Variants in NEK4 observed in about 807,000 individuals in gnomAD.
NEK4 encodes NIMA related kinase 4.
A neutral mutation model predicts 98.4 loss-of-function variants in NEK4; 86 were observed. The ratio of observed to expected loss-of-function variants is 0.87; its 90% confidence interval spans 0.73 to 1.05. The LOEUF (loss-of-function observed/expected upper bound fraction) is 1.05. NEK4 is among the 50% of genes least tolerant of loss of function. NEK4 has a pLI of 0.00. For missense variants in NEK4, 898 were observed against 950.3 expected (o/e 0.94, Z 0.72); for synonymous variants, 328 against 342.2 (o/e 0.96, Z 0.46).
intron 11 of NEK4, 130 bp downstream of exon 11, chr3:52,744,109 T>C: frequency 6.9e-6 from 5 of 724,226 alleles, no homozygotes; most frequent in Non-Finnish European, 1.2e-5. Context: ...TCAAAATCTT[T>C]TCCAACTCGA....
chr3:52,734,589 C>T (rs1037116408), intron 15 of NEK4: 7 of 151,726 alleles, frequency 4.6e-5, no homozygotes, highest in African/African-American at 1.5e-4. Context: ...AGAAGAATCG[C>T]TTGAACCTGG....
intron 6 of NEK4, chr3:52,754,405 C>T (rs1206168240): frequency 6.1e-6 from 3 of 493,022 alleles, no homozygotes; most frequent in Admixed American, 4.9e-5. Flanking sequence ...GCCCCCTAAA[C>T]CCAGAGGCTG....
rs1036441284 is a variant in NEK4 at position 52,709,038 on chromosome 3, T to A, written c.*2739A>T. ...CCATCTCTACTAAAAATAACGAAAA[T>A]CAGCCAGGCATGGTGGTGTGTGCCT... is the stretch of plus-strand genomic sequence containing the variant. On this transcript the variant is annotated 3_prime_UTR_variant, in exon 16 of 16. Transcript: ENST00000233027. 5 of 151,770 alleles carry A rather than the reference T, an allele frequency of 3.3e-5. No homozygotes were observed. Among genetic ancestry groups the A allele is most frequent in the African/African-American group, 1.2e-4 (5 of 41,236 alleles). The allele number at this position is 151,770 out of a possible 1,614,324, so 9.4% of individuals were successfully genotyped here. A position where few individuals can be genotyped will look rare whatever the true frequency, so the allele number is the denominator to read the frequency against.
At chr3:52,730,528 G>A (rs934424481) in intron 15 of NEK4, among the ~76,000 whole-genome samples, 3 of 152,192 alleles carry the variant, frequency 2.0e-5, no homozygotes, top group South Asian at 2.1e-4. Context: ...ACATTCATTC[G>A]AAAATCTTTA....
intron 13 of NEK4, among the ~76,000 whole-genome samples, chr3:52,740,442 G>A (rs2097383827): frequency 6.6e-6 from 1 of 152,068 alleles, no homozygotes; most frequent in Admixed American, 6.5e-5. Context: ...AGACACTGCA[G>A]AAGAAAAGAT....
At chr3:52,742,663 A>C (rs1046756058) in intron 12 of NEK4, among the ~76,000 whole-genome samples, 1 of 152,152 alleles carries the variant, frequency 6.6e-6, no homozygotes, top group Non-Finnish European at 1.5e-5. Flanking sequence ...CAAATAAGAA[A>C]CTGAGGAATG....
chr3:52,767,866 A>G (rs1039360339), intron 2 of NEK4, among the ~76,000 whole-genome samples: 3 of 152,232 alleles, frequency 2.0e-5, no homozygotes, highest in African/African-American at 7.2e-5. Flanking sequence ...TTGTAGGAAC[A>G]CTTATTCCAT....
chr3:52,770,708 G>T lies in NEK4; in HGVS notation c.39C>A (p.Gly13=). 2 of 1,578,132 alleles carry T rather than the reference G, an allele frequency of 1.3e-6. No homozygotes were observed. Among genetic ancestry groups the T allele is most frequent in the East Asian group, 2.3e-5 (1 of 42,982 alleles). Residue 13 remains glycine (G), a synonymous_variant, in exon 1 of 16, where the codon GGC becomes GGA. Coordinates refer to ENST00000233027, the MANE Select transcript of NEK4 (RefSeq NM_003157.6). ...LAAYCYLRVV[G]KGSYGEVTLV... is the part of the protein sequence containing the mutation. ...GCGTCACCTCTCCATAGCTCCCCTT[G>T]CCCACGACCCGCAGGTAGCAGTAGG...
At chr3:52,762,178 G>A (rs1324109699) in intron 5 of NEK4, among the ~76,000 whole-genome samples, 1 of 152,218 alleles carries the variant, frequency 6.6e-6, no homozygotes, top group Non-Finnish European at 1.5e-5. Flanking sequence ...CACCTGTTTA[G>A]TAAAGGTAGG....
chr3:52,733,544 G>T, intron 15 of NEK4: 1 of 501,572 alleles, frequency 2.0e-6, no homozygotes, highest in Non-Finnish European at 4.0e-6. Context: ...AATGAATGTG[G>T]CAAGGTCTTT....
At chr3:52,739,770 T>G (rs2097382728) in intron 13 of NEK4, 136 bp from the exon 14 acceptor site, 7 of 681,600 alleles carry the variant, frequency 1.0e-5, no homozygotes, top group Non-Finnish European at 1.8e-5. Flanking sequence ...GACCTGACCC[T>G]TCCACAAATA....
intron 8 of NEK4, chr3:52,747,199 G>T: frequency 4.3e-6 from 1 of 233,362 alleles, no homozygotes; most frequent in Non-Finnish European, 8.4e-6. Flanking sequence ...GCTTGTGCCT[G>T]TAATCCCAGC....
intron 15 of NEK4, among the ~76,000 whole-genome samples, chr3:52,724,748 A>G (rs755095594): frequency 1.3e-5 from 2 of 152,208 alleles, no homozygotes; most frequent in African/African-American, 2.4e-5. Flanking sequence ...GATACATTGC[A>G]CAACATGGTG....
intron 10 of NEK4, among the ~76,000 whole-genome samples, chr3:52,745,407 C>T (rs2097394272): frequency 6.6e-6 from 1 of 151,912 alleles, no homozygotes; most frequent in Admixed American, 6.6e-5. Flanking sequence ...TGGTGTAACC[C>T]TATCTCTACT....
At chr3:52,729,838 T>G (rs2097367942) in intron 15 of NEK4, among the ~76,000 whole-genome samples, 1 of 151,090 alleles carries the variant, frequency 6.6e-6, no homozygotes, top group Non-Finnish European at 1.5e-5. Flanking sequence ...TGGGTGGGCA[T>G]GGTGGCTCAT....
At chr3:52,738,397 C>A (rs1578650775) in intron 14 of NEK4, among the ~76,000 whole-genome samples, 1 of 147,936 alleles carries the variant, frequency 6.8e-6, no homozygotes, top group Admixed American at 6.6e-5. Flanking sequence ...TGATACCACA[C>A]CAAGCCTTTT....
Position 52,739,431 on chromosome 3 carries a change from G to C in NEK4, c.2297C>G (p.Ser766Ter). Reference sequence around the variant, plus strand: ...AAAAATAATAATAAGCTGATCACCTGAAGGTAGCTCTTTAAAATGGATTTC... The same window carrying C: ...AAAAATAATAATAAGCTGATCACCTCAAGGTAGCTCTTTAAAATGGATTTC... ...AEEIHFKELP[S>*]AIMPGSEKIR... Residue 766 changes from serine (S) to a stop codon, truncating the protein, a stop_gained and splice_region_variant, in exon 14 of 16, where the codon TCA becomes TGA. Transcript: ENST00000233027. LOFTEE classifies it high-confidence loss of function. The C allele has an allele frequency of 1.2e-6, 2 of 1,612,828 alleles. No individual in the cohort carries two copies. The highest frequency in any genetic ancestry group is 1.7e-6 in the Non-Finnish European group (2 of 1,178,826).
chr3:52,752,933 T>TATATATATATATATACACACAC (rs148965312), intron 6 of NEK4, among the ~76,000 whole-genome samples: 1 of 75,584 alleles, frequency 1.3e-5, no homozygotes, highest in Non-Finnish European at 2.6e-5. Context: ...TATATATATA[T>TATATATATATATATACACACAC]ACACACACAC....
intron 4 of NEK4, among the ~76,000 whole-genome samples, chr3:52,764,784 A>G (rs954121927): frequency 6.6e-6 from 1 of 151,396 alleles, no homozygotes; most frequent in Non-Finnish European, 1.5e-5. Flanking sequence ...ACATGCACAC[A>G]CACACACACA....
Sources: gnomAD v4.1 joint callset for allele counts (sites outside exome capture counted in the v4.1 genomes callset) on GRCh38, gnomAD v4.1.1 for gene constraint, MANE v1.5 for transcripts, NCBI Gene and HGNC (gene_info 2026-07-23, HGNC 2026-07-21) for gene names.